TRPM7: variants seen among roughly 807,000 people sequenced by gnomAD.
The protein encoded by TRPM7 is LTRPC ion channel family member 7.
A neutral mutation model predicts 229.7 loss-of-function variants in TRPM7; 134 were observed. The observed-to-expected ratio is 0.58, with a 90% CI of 0.51 to 0.67. The LOEUF (loss-of-function observed/expected upper bound fraction) is 0.67. Among genes scored for constraint, TRPM7 ranks in the 30% least tolerant of loss-of-function variants. The pLI is 0.00. For synonymous variants in TRPM7, 699 were observed against 715.2 expected (o/e 0.98, Z 0.36); for missense variants, 1,901 against 2,210.0 (o/e 0.86, Z 2.80).
At chr15:50,584,503 C>T (rs2054590078) in intron 28 of TRPM7, among the ~76,000 whole-genome samples, 3 of 151,794 alleles carry the variant, frequency 2.0e-5, no homozygotes, top group Admixed American at 2.0e-4. Context: ...AGTGGAAGGT[C>T]AACAGATACG....
intron 26 of TRPM7, among the ~76,000 whole-genome samples, chr15:50,590,533 T>C (rs2059459849): frequency 6.6e-6 from 1 of 152,238 alleles, no homozygotes; most frequent in Non-Finnish European, 1.5e-5. Context: ...CTAGGCTATA[T>C]GGAATTCACT....
At chr15:50,642,849 A>G (rs77141399) in intron 5 of TRPM7, among the ~76,000 whole-genome samples, 2,337 of 152,136 alleles carry the variant, frequency 0.015, 70 homozygotes, top group African/African-American at 0.054. Context: ...ATCCTGCTCT[A>G]AAGTGTTGCG....
rs1257264193 is a variant in TRPM7, at chr15:50,591,943, T to A, written c.4292A>T (p.Glu1431Val). 1.9e-6 allele frequency: 3 copies of A among 1,589,964 alleles called. No homozygotes were observed. Among genetic ancestry groups the A allele is most frequent in the Non-Finnish European group, 2.6e-6 (3 of 1,173,160 alleles). Residue 1431 changes from glutamate (E) to valine (V), a missense_variant, in exon 26 of 39, where the codon GAA (glutamate) becomes GTA (valine). By Grantham distance (121) the Glu-to-Val change is moderately radical. This residue lies in a region of TRPM7 where 533 missense variants were observed against 497.1 expected (regional missense o/e 1.07). Transcript: ENST00000646667. Reference protein sequence around the residue: ...DQETVCSKATEGDNTEFGAFV... With the variant: ...DQETVCSKATVGDNTEFGAFV... ...TGCTCCAAATTCTGTATTATCTCCT[T>A]CTGTAGCTTTAGAGCAAACAGTTTC...
chr15:50,570,718 T>TG (rs1227766273), intron 36 of TRPM7, among the ~76,000 whole-genome samples: 8 of 127,326 alleles, frequency 6.3e-5, no homozygotes, highest in African/African-American at 8.8e-5. Context: ...CCGGACATGG[T>TG]GGGGGGCGCC....
intron 3 of TRPM7, among the ~76,000 whole-genome samples, chr15:50,652,328 C>CAAAAAAAAAAAAAAAAAA (rs34122648): frequency 8.8e-5 from 3 of 34,226 alleles, no homozygotes; most frequent in African/African-American, 2.9e-4. Context: ...GACTCCATCT[C>CAAAAAAAAAAAAAAAAAA]AAAAAAAAAA....
intron 4 of TRPM7, among the ~76,000 whole-genome samples, chr15:50,647,009 T>C (rs909613013): frequency 6.6e-6 from 1 of 152,254 alleles, no homozygotes; most frequent in African/African-American, 2.4e-5. Flanking sequence ...GAATACACTC[T>C]ACGGTGTTAG....
chr15:50,614,935 C>T (rs1372351811), intron 13 of TRPM7, among the ~76,000 whole-genome samples: 4 of 151,770 alleles, frequency 2.6e-5, no homozygotes, highest in African/African-American at 4.8e-5. Flanking sequence ...TTTGGGAAGC[C>T]GAGGCAGGCA....
At chr15:50,670,466 A>C (rs1029368028) in intron 1 of TRPM7, among the ~76,000 whole-genome samples, 1 of 152,172 alleles carries the variant, frequency 6.6e-6, no homozygotes, top group African/African-American at 2.4e-5. Flanking sequence ...ATGGCAACAG[A>C]GTAGACCTCT....
chr15:50,585,110 A>G (rs1433180331), intron 28 of TRPM7, among the ~76,000 whole-genome samples: 15 of 131,714 alleles, frequency 1.1e-4, no homozygotes, highest in Non-Finnish European at 3.1e-5. Context: ...GCCGGACTGC[A>G]GACTGCAGTG....
At chr15:50,601,258 C>T (rs2059772707) in intron 21 of TRPM7, among the ~76,000 whole-genome samples, 1 of 152,148 alleles carries the variant, frequency 6.6e-6, no homozygotes, top group South Asian at 2.1e-4. Flanking sequence ...TCACATAAAG[C>T]CTAAATGACA....
At chr15:50,580,368 A>G (rs1177220998) in intron 30 of TRPM7, among the ~76,000 whole-genome samples, 1 of 152,220 alleles carries the variant, frequency 6.6e-6, no homozygotes, top group Non-Finnish European at 1.5e-5. Context: ...CAGATTGCCT[A>G]TAGTTTCCAC....
intron 7 of TRPM7, 48 bp downstream of exon 7, chr15:50,637,374 T>C (rs2060940676): frequency 2.6e-6 from 4 of 1,557,006 alleles, no homozygotes; most frequent in Non-Finnish European, 3.5e-6. Context: ...TGGCTATTAG[T>C]ACAGCCCAGG....
chr15:50,623,135 C>T (rs916814456), intron 12 of TRPM7, among the ~76,000 whole-genome samples: 8 of 151,246 alleles, frequency 5.3e-5, no homozygotes, highest in African/African-American at 1.5e-4. Flanking sequence ...CATTTTTGGC[C>T]GGGTGCAGTG....
At chr15:50,631,245 A>G (rs2060720861) in intron 10 of TRPM7, among the ~76,000 whole-genome samples, 172 bp downstream of exon 10, 1 of 152,230 alleles carries the variant, frequency 6.6e-6, no homozygotes, top group Non-Finnish European at 1.5e-5. Context: ...GCCGCCAAGG[A>G]AACCAACATT....
chr15:50,655,013 A>G (rs1011052224), intron 3 of TRPM7, among the ~76,000 whole-genome samples: 7 of 150,060 alleles, frequency 4.7e-5, no homozygotes, highest in South Asian at 2.1e-4. Context: ...AAAAAAAAAA[A>G]AAAAGAAAAG....
At chr15:50,651,032 C>G (rs767055624) in intron 3 of TRPM7, among the ~76,000 whole-genome samples, 4 of 151,866 alleles carry the variant, frequency 2.6e-5, no homozygotes, top group African/African-American at 9.7e-5. Context: ...ACAAAACATA[C>G]AAACGTTAGT....
chr15:50,616,775 G>A (rs879384028), intron 13 of TRPM7, among the ~76,000 whole-genome samples: 1 of 152,100 alleles, frequency 6.6e-6, no homozygotes, highest in African/African-American at 2.4e-5. Context: ...CCGCTTCCCA[G>A]GTCCAAGCAA....
intron 21 of TRPM7, 60 bp downstream of exon 21, chr15:50,604,806 T>C (rs764996825): frequency 6.9e-7 from 1 of 1,450,354 alleles, no homozygotes; most frequent in Non-Finnish European, 9.3e-7. Context: ...TAATAACATT[T>C]TTGTGATTTT....
At position 50,665,823 on chromosome 15, in the gene TRPM7, G is replaced by A. The variant is rs185192104; in HGVS notation, c.4-2777C>T. Among the ~76,000 whole-genome samples, 6 of 152,066 alleles carry A rather than the reference G, an allele frequency of 3.9e-5. No homozygotes were observed. In the East Asian group the frequency reaches 9.7e-4, roughly 25 times the overall value. ...CAGCCTGACCAACATGGTGAAAACCGTCTCTACTAAAATACAAAAATTAGC... is the reference window on the plus strand; with the variant it reads ...CAGCCTGACCAACATGGTGAAAACCATCTCTACTAAAATACAAAAATTAGC... On this transcript the variant is annotated intron_variant, in intron 1 of 38. Transcript: ENST00000646667.
Sources: allele counts gnomAD v4.1 joint callset (sites outside exome capture counted in the v4.1 genomes callset), GRCh38; gene constraint gnomAD v4.1.1; regional missense constraint gnomAD v4.1.1; transcripts MANE v1.5; gene names NCBI Gene and HGNC (gene_info 2026-07-23, HGNC 2026-07-21).